ZNF134: variants seen among roughly 807,000 people sequenced by gnomAD.
ZNF134 encodes the protein zinc finger protein 134 (clone pHZ-15).
In ZNF134, 5 loss-of-function variants were observed where a neutral mutation model predicts 2.5. The ratio of observed to expected loss-of-function variants is 2.03; its 90% CI spans 1.06 to 4.27. The LOEUF (loss-of-function observed/expected upper bound fraction) is 4.27. Ranked by LOEUF, ZNF134 falls within the 30% of genes most tolerant of loss-of-function variation. ZNF134 has a pLI of 0.00. For synonymous variants in ZNF134, 176 were observed against 176.2 expected, an observed-to-expected ratio of 1.00 and a Z score of 0.01; for missense variants, 540 against 517.5, an observed-to-expected ratio of 1.04 and a Z score of -0.42.
chr19:57,621,825 G>C lies in ZNF134; in HGVS notation c.*422G>C, dbSNP rs190036746. The C allele has an allele frequency of 1.0e-4, 31 of 308,148 alleles. No homozygotes were observed. In the East Asian group the frequency reaches 2.0e-3, roughly 20 times the overall value. 19.1% of individuals were successfully genotyped at this position (308,148 alleles called of 1,614,324 possible). A position where few individuals can be genotyped will look rare whatever the true frequency, so the allele number is the denominator to read the frequency against. ...TGGATATTCTTGGTCTCACATACTT[G>C]TAATCAAGTTTTTCCAGCCTCCAAG... On this transcript the variant is annotated 3_prime_UTR_variant, in exon 3 of 3. Coordinates refer to ENST00000396161, the MANE Select transcript of ZNF134 (RefSeq NM_003435.5).
At position 57,621,082 on chromosome 19, in the gene ZNF134, T is replaced by A; in HGVS notation, c.963T>A (p.Cys321Ter). ...AAAATCCTTATGATTGCAGTGATTG[T>A]GGGAAATCCTTTGGCCACAAATACA... The part of the protein sequence containing the change: ...TGENPYDCSD[C>*]GKSFGHKYTL... The change falls in exon 3 of 3, where the codon TGT becomes TGA. Residue 321 changes from cysteine (C) to a stop codon, truncating the protein, a stop_gained. Coordinates refer to ENST00000396161, the MANE Select transcript of ZNF134 (RefSeq NM_003435.5). LOFTEE classifies it low-confidence loss of function (END_TRUNC). The A allele has an allele frequency of 6.2e-7, 1 of 1,614,212 alleles. No homozygotes were observed. Among genetic ancestry groups the A allele is most frequent in the Non-Finnish European group, 8.5e-7 (1 of 1,180,044 alleles).
At position 57,624,378 on chromosome 19, in the gene ZNF134, GAAAAA is replaced by G. The variant is rs1228983550; in HGVS notation, c.*2982_*2986del. The G allele has an allele frequency of 7.1e-6, 1 of 140,958 alleles. No homozygotes were observed. The highest frequency in any genetic ancestry group is 1.6e-5 in the Non-Finnish European group (1 of 64,208). 8.7% of individuals were successfully genotyped at this position (140,958 alleles called of 1,614,324 possible). ...TCAACACCCTGGTTTTGGTGCAGCT[GAAAAA>G]AAAAAAGAAAAACCCAAACAACAGC... On this transcript the variant is annotated 3_prime_UTR_variant, in exon 3 of 3. Coordinates refer to ENST00000396161, the MANE Select transcript of ZNF134 (RefSeq NM_003435.5).
Position 57,623,935 on chromosome 19 carries a change from A to G in ZNF134, c.*2532A>G, listed in dbSNP as rs1329935644. 1.3e-5 allele frequency: 2 copies of G among 152,220 alleles called. No homozygotes were observed. Among genetic ancestry groups the G allele is most frequent in the Non-Finnish European group, 2.9e-5 (2 of 68,052 alleles). 9.4% of individuals were successfully genotyped at this position (152,220 alleles called of 1,614,324 possible). ...ACCTTGGGTCTAAAGGGACCTTGAA[A>G]GTATGAAGTTAAAGGGTGTAGGCAT... On this transcript the variant is annotated 3_prime_UTR_variant, in exon 3 of 3. Transcript: ENST00000396161.
At position 57,623,082 on chromosome 19, in the gene ZNF134, C is replaced by T. The variant is rs760685765; in HGVS notation, c.*1679C>T. 26 of 152,226 alleles carry T rather than the reference C, an allele frequency of 1.7e-4. No individual in the cohort carries two copies. Among genetic ancestry groups the T allele is most frequent in the African/African-American group, 5.8e-4 (24 of 41,538 alleles). 9.4% of individuals were successfully genotyped at this position (152,226 alleles called of 1,614,324 possible). A position where few individuals can be genotyped will look rare whatever the true frequency, so the allele number is the denominator to read the frequency against. On this transcript the variant is annotated 3_prime_UTR_variant, in exon 3 of 3. Coordinates refer to ENST00000396161, the MANE Select transcript of ZNF134 (RefSeq NM_003435.5). ...GGCCCTTAACCTTTCTCTCAGTGCT[C>T]GCCTTCCCCCAGAATCCCTAGGCAA...
Position 57,620,197 on chromosome 19 carries a change from T to A in ZNF134, c.78T>A (p.Ser26=). Reference sequence around the variant, plus strand: ...AAGTGAAGGATGAAGAGTCATCTTCTGAACAGAGCATTTCTATAGCAGTGT... The same window carrying A: ...AAGTGAAGGATGAAGAGTCATCTTCAGAACAGAGCATTTCTATAGCAGTGT... ...WHEVKDEESS[S]EQSISIAVSH... Residue 26 remains serine, a synonymous_variant, in exon 3 of 3, where the codon TCT becomes TCA. Coordinates refer to ENST00000396161, the MANE Select transcript of ZNF134 (RefSeq NM_003435.5). The A allele has an allele frequency of 6.2e-7, 1 of 1,614,166 alleles. No homozygotes were observed. Among genetic ancestry groups the A allele is most frequent in the Non-Finnish European group, 8.5e-7 (1 of 1,180,000 alleles).
intron 2 of ZNF134, 105 bp from the exon 3 acceptor site, chr19:57,620,055 G>A: frequency 7.4e-7 from 1 of 1,344,328 alleles, no homozygotes; most frequent in Admixed American, 2.2e-5. Flanking sequence ...GTTCCACCAG[G>A]AAACTTAGGT....
In ZNF134 at chr19:57,620,991, G is replaced by A. The variant is rs62126243; in HGVS notation, c.872G>A (p.Ser291Asn). The change falls in exon 3 of 3, where the codon AGT (serine) becomes AAT (asparagine). Residue 291 changes from serine (S) to asparagine (N), a missense_variant. Ser to Asn is a conservative substitution (Grantham distance 46, BLOSUM62 1). Coordinates refer to ENST00000396161, the MANE Select transcript of ZNF134 (RefSeq NM_003435.5). ...AATGGAGCAAGGCCTTATAAGTGCA[G>A]TGATTGTGGGAAAGTCTTCAGACAC... ...VHNGARPYKC[S>N]DCGKVFRHKS... is the part of the protein sequence containing the mutation. 1 of 1,614,234 alleles carries A rather than the reference G, an allele frequency of 6.2e-7. No homozygotes were observed. The highest frequency in any genetic ancestry group is 1.1e-5 in the South Asian group (1 of 91,090).
Position 57,621,509 on chromosome 19 carries a change from C to CT in ZNF134, c.*107dup. 1 of 1,546,196 alleles carries CT rather than the reference C, an allele frequency of 6.5e-7. No homozygotes were observed. Among genetic ancestry groups the CT allele is most frequent in the Non-Finnish European group, 8.8e-7 (1 of 1,131,434 alleles). On this transcript the variant is annotated 3_prime_UTR_variant, in exon 3 of 3. Transcript: ENST00000396161. The stretch of plus-strand genomic sequence containing the variant: ...ATGGTGCCAGGTACGTGGGAACCTT[C>CT]TAGGGATATGTTGCACTTTCTGACT...
intron 1 of ZNF134, among the ~76,000 whole-genome samples, chr19:57,616,694 A>C (rs1981059528): frequency 6.6e-6 from 1 of 152,214 alleles, no homozygotes. Context: ...TTAGGGAAAC[A>C]GTTCAGTCGA....
chr19:57,619,811 C>T (rs567765176), intron 2 of ZNF134, among the ~76,000 whole-genome samples: 12 of 152,316 alleles, frequency 7.9e-5, no homozygotes, highest in African/African-American at 2.6e-4. Context: ...TCCCTGAACA[C>T]GTTACTTATT....
chr19:57,620,026 TCAACCTGA>T, intron 2 of ZNF134, 126 bp from the exon 3 acceptor site: 4 of 1,045,366 alleles, frequency 3.8e-6, no homozygotes, highest in Admixed American at 5.3e-5. Flanking sequence ...AGCCCTTTTT[TCAACCTGA>T]TCCTAGCTCT....
chr19:57,620,082 A>G (rs1981155298), intron 2 of ZNF134, 78 bp from the exon 3 acceptor site: 1 of 1,530,050 alleles, frequency 6.5e-7, no homozygotes, highest in Non-Finnish European at 8.9e-7. Flanking sequence ...TCCTGGGTAC[A>G]GCAGACACAT....
At chr19:57,619,284 G>A in intron 1 of ZNF134, 128 bp from the exon 2 acceptor site, 1 of 742,496 alleles carries the variant, frequency 1.3e-6, no homozygotes, top group Non-Finnish European at 2.3e-6. Flanking sequence ...CCACTGCACT[G>A]TTCCTGCAGG....
rs984350336 is a variant in ZNF134 at position 57,624,564 on chromosome 19, C to T, written c.*3161C>T. Reference sequence around the variant, plus strand: ...TGGTAATCAGGGGTCCCTGAAATCCCCTCTTTTCCCAGAATACCTAATGAT... The same window carrying T: ...TGGTAATCAGGGGTCCCTGAAATCCTCTCTTTTCCCAGAATACCTAATGAT... On this transcript the variant is annotated 3_prime_UTR_variant, in exon 3 of 3. Transcript: ENST00000396161. 6.6e-6 allele frequency: 1 copy of T among 152,142 alleles called. No homozygotes were observed. Among genetic ancestry groups the T allele is most frequent in the African/African-American group, 2.4e-5 (1 of 41,422 alleles). The allele number at this position is 152,142 out of a possible 1,614,324, so 9.4% of individuals were successfully genotyped here.
At chr19:57,618,358 C>T (rs1981108469) in intron 1 of ZNF134, among the ~76,000 whole-genome samples, 1 of 152,092 alleles carries the variant, frequency 6.6e-6, no homozygotes, top group Non-Finnish European at 1.5e-5. Flanking sequence ...GTGGGGAAGC[C>T]ATGGAGGTAC....
Position 57,624,652 on chromosome 19 carries a change from C to T in ZNF134, c.*3249C>T, listed in dbSNP as rs1981326113. 1 of 152,232 alleles carries T rather than the reference C, an allele frequency of 6.6e-6. No individual in the cohort carries two copies. The highest frequency in any genetic ancestry group is 2.1e-4 in the South Asian group (1 of 4,822). The allele number at this position is 152,232 out of a possible 1,614,324, so 9.4% of individuals were successfully genotyped here. A position where few individuals can be genotyped will look rare whatever the true frequency, so the allele number is the denominator to read the frequency against. On this transcript the variant is annotated 3_prime_UTR_variant, in exon 3 of 3. Transcript: ENST00000396161. ...CAAACTTTGTTTTGCATGACTTGCT[C>T]TCAGGGGCACTCCCACACTTCTCTC...
In ZNF134 at chr19:57,621,106, C is replaced by T; in HGVS notation, c.987C>T (p.Tyr329=). The T allele has an allele frequency of 1.2e-6, 2 of 1,614,248 alleles. No individual in the cohort carries two copies. Among genetic ancestry groups the T allele is most frequent in the African/African-American group, 1.3e-5 (1 of 75,052 alleles). Residue 329 remains tyrosine (Y), a synonymous_variant, in exon 3 of 3, where the codon TAC becomes TAT. Coordinates refer to ENST00000396161, the MANE Select transcript of ZNF134 (RefSeq NM_003435.5). ...SDCGKSFGHK[Y]TLIKHQRIHT... ...GTGGGAAATCCTTTGGCCACAAATA[C>T]ACCCTCATTAAACATCAGCGAATTC...
intron 2 of ZNF134, chr19:57,619,733 C>T (rs888352735): frequency 8.8e-5 from 51 of 581,208 alleles, no homozygotes; most frequent in Non-Finnish European, 1.1e-4. Flanking sequence ...GCTCTCTCTG[C>T]GATGCTTTCC....
At chr19:57,618,841 T>C (rs1981119740) in intron 1 of ZNF134, 1 of 153,154 alleles carries the variant, frequency 6.5e-6, no homozygotes, top group Non-Finnish European at 1.5e-5. Flanking sequence ...TATTATGAAA[T>C]AATGGCTTCT....
Sources: allele counts gnomAD v4.1 joint callset (sites outside exome capture counted in the v4.1 genomes callset), GRCh38; gene constraint gnomAD v4.1.1; transcripts MANE v1.5; gene names NCBI Gene and HGNC (gene_info 2026-07-23, HGNC 2026-07-21).